The following CCDC144A variants were observed in gnomAD, a reference collection of about 807,000 sequenced individuals.
CCDC144A encodes the protein coiled-coil domain containing 144A.
A neutral mutation model predicts 143.8 loss-of-function variants in CCDC144A; 41 were observed. That is an observed-to-expected ratio of 0.29 (90% CI 0.22 to 0.37). The LOEUF (loss-of-function observed/expected upper bound fraction) is 0.37. Ranked by LOEUF, CCDC144A falls within the 10% of genes least tolerant of loss-of-function variation. The pLI is 1.00. For synonymous variants in CCDC144A, 242 were observed against 517.9 expected (o/e 0.47, Z 7.23); for missense variants, 637 against 1,488.8 (o/e 0.43, Z 9.41).
chr17:16,768,499 C>T (rs1349601896), intron 15 of CCDC144A, among the ~76,000 whole-genome samples: 1 of 152,152 alleles, frequency 6.6e-6, no homozygotes, highest in Non-Finnish European at 1.5e-5. Flanking sequence ...TGGAGGCCTG[C>T]GTTAGTGAGA....
rs1429108518 is a variant in CCDC144A at position 16,761,192 on chromosome 17, G to A, written c.3373-233G>A. 2.6e-5 allele frequency among the ~76,000 whole-genome samples: 4 copies of A among 152,200 alleles called. No individual in the cohort carries two copies. In the South Asian group the frequency reaches 8.3e-4, roughly 32 times the overall value. On this transcript the variant is annotated intron_variant, in intron 12 of 16. Coordinates refer to ENST00000399273, the MANE Select transcript of CCDC144A (RefSeq NM_001382000.1). ...TAAAAAATAAATTAAAAAAAATTTA[G>A]CCAGGGGTGGTGGTGGGCACCTGTA... is the stretch of plus-strand genomic sequence containing the variant.
rs181122293 is a variant in CCDC144A at position 16,755,803 on chromosome 17, C to T, written c.3373-5622C>T. On this transcript the variant is annotated intron_variant, in intron 12 of 16. Transcript: ENST00000399273. ...CTTGAACTCCTGAGCTCAAGCAATC[C>T]CCCCACCTTGGCCTCTCAAAGTGCT... 6.3e-3 allele frequency among the ~76,000 whole-genome samples: 965 copies of T among 152,230 alleles called. 2 individuals carry two copies. Among genetic ancestry groups the T allele is most frequent in the Non-Finnish European group, 8.8e-3 (599 of 68,006 alleles).
intron 6 of CCDC144A, among the ~76,000 whole-genome samples, chr17:16,718,525 C>T (rs1321282634): frequency 2.0e-5 from 3 of 151,950 alleles, no homozygotes; most frequent in Non-Finnish European, 4.4e-5. Flanking sequence ...TTTGTTCCTT[C>T]AGCATTGGTT....
At chr17:16,746,367 C>T in intron 12 of CCDC144A, 1 of 1,302,314 alleles carries the variant, frequency 7.7e-7, no homozygotes, top group East Asian at 2.5e-5. Flanking sequence ...TCTCGCTTCT[C>T]TTCTCGAATT....
At position 16,690,572 on chromosome 17, in the gene CCDC144A, G is replaced by T. The variant is rs1460115638; in HGVS notation, c.172G>T (p.Val58Phe). The T allele has an allele frequency of 6.2e-7, 1 of 1,613,806 alleles. No individual in the cohort carries two copies. Residue 58 changes from valine to phenylalanine, a missense_variant, in exon 1 of 17, where the codon GTC becomes TTC. Coordinates refer to ENST00000399273, the MANE Select transcript of CCDC144A (RefSeq NM_001382000.1). ...GFPYSWWKNS[V>F]GSESKHGEGA... ...CCCCTACAGCTGGTGGAAAAACAGC[G>T]TCGGCAGCGAGAGCAAGCACGGTGA...
At chr17:16,747,336 A>G (rs944758524) in intron 12 of CCDC144A, among the ~76,000 whole-genome samples, 6 of 152,180 alleles carry the variant, frequency 3.9e-5, no homozygotes, top group African/African-American at 1.2e-4. Flanking sequence ...TATAGTTTGA[A>G]GTTGGGTAAT....
the CCDC144A span, among the ~76,000 whole-genome samples, chr17:16,675,269 G>GAAA: frequency 4.8e-3 from 436 of 90,040 alleles, 7 homozygotes; most frequent in African/African-American, 0.016. Context: ...ACTCCATCTT[G>GAAA]AAAAAAAAAA....
chr17:16,720,371 G>A (rs1913022156), intron 7 of CCDC144A, 140 bp downstream of exon 7: 2 of 973,246 alleles, frequency 2.1e-6, no homozygotes, highest in African/African-American at 1.7e-5. Flanking sequence ...CGTTGATAAT[G>A]GTACCTTTTA....
At chr17:16,687,085 C>T (rs552743467), upstream of CCDC144A, among the ~76,000 whole-genome samples, 1 of 152,334 alleles carries the variant, frequency 6.6e-6, no homozygotes, top group South Asian at 2.1e-4. Context: ...CTATACTCAG[C>T]AGAGTGTGCC....
intron 8 of CCDC144A, among the ~76,000 whole-genome samples, chr17:16,721,246 G>A (rs1294098696): frequency 6.6e-6 from 1 of 151,852 alleles, no homozygotes; most frequent in Non-Finnish European, 1.5e-5. Flanking sequence ...ATATACAATC[G>A]TGTGCACATT....
chr17:16,683,693 T>C, the CCDC144A span: 1 of 1,599,688 alleles, frequency 6.3e-7, no homozygotes, highest in Non-Finnish European at 8.6e-7. Context: ...AAAATCAACA[T>C]GGACAAGAAT....
chr17:16,689,579 TCCCCGAC>T (rs1042597396), upstream of CCDC144A: 3 of 152,322 alleles, frequency 2.0e-5, no homozygotes, highest in Non-Finnish European at 2.9e-5. Context: ...CACCAGGCGT[TCCCCGAC>T]CCGCCCGGGT....
upstream of CCDC144A, among the ~76,000 whole-genome samples, chr17:16,685,855 T>A (rs1183523706): frequency 6.6e-6 from 1 of 151,946 alleles, no homozygotes; most frequent in Non-Finnish European, 1.5e-5. Flanking sequence ...CACTGCAACC[T>A]CCGCCTCCTT....
At chr17:16,688,828 G>C (rs944769019), upstream of CCDC144A, among the ~76,000 whole-genome samples, 3 of 152,030 alleles carry the variant, frequency 2.0e-5, no homozygotes, top group African/African-American at 7.2e-5. Context: ...CGCCTTTCTA[G>C]TTCATGTTTT....
chr17:16,759,375 A>G (rs1915252527), intron 12 of CCDC144A, among the ~76,000 whole-genome samples: 1 of 152,204 alleles, frequency 6.6e-6, no homozygotes, highest in Non-Finnish European at 1.5e-5. Flanking sequence ...TTTTCACAGT[A>G]TTATAAAAAG....
At chr17:16,674,452 T>A in the CCDC144A span, among the ~76,000 whole-genome samples, 1 of 151,920 alleles carries the variant, frequency 6.6e-6, no homozygotes, top group South Asian at 2.1e-4. Flanking sequence ...TAATGTAAGA[T>A]AGATAAATCT....
At chr17:16,763,506 ATATT>A (rs1915468043) in intron 14 of CCDC144A, among the ~76,000 whole-genome samples, 1 of 149,086 alleles carries the variant, frequency 6.7e-6, no homozygotes, top group Admixed American at 6.7e-5. Context: ...TTTCTTGTAT[ATATT>A]TAAGGAGTAC....
At chr17:16,729,438 T>C (rs1315941032) in intron 9 of CCDC144A, among the ~76,000 whole-genome samples, 1 of 152,242 alleles carries the variant, frequency 6.6e-6, no homozygotes, top group Non-Finnish European at 1.5e-5. Context: ...GATGGGATTA[T>C]TTGCATTTTC....
intron 15 of CCDC144A, among the ~76,000 whole-genome samples, chr17:16,769,833 T>C (rs1459415237): frequency 2.0e-5 from 3 of 151,954 alleles, no homozygotes; most frequent in Non-Finnish European, 2.9e-5. Flanking sequence ...TTTTTGTTGT[T>C]GTTGTTGTTT....
Sources: gnomAD v4.1 joint callset for allele counts (sites outside exome capture counted in the v4.1 genomes callset) on GRCh38, gnomAD v4.1.1 for gene constraint, MANE v1.5 for transcripts, NCBI Gene and HGNC (gene_info 2026-07-23, HGNC 2026-07-21) for gene names.